The following NCKAP5 variants were observed in gnomAD, a reference collection of about 807,000 sequenced individuals.
The protein encoded by NCKAP5 is NCK associated protein 5, also known as nck-associated protein 5.
Under a neutral mutation model 167.0 loss-of-function variants are expected in NCKAP5, and 92 were observed. That is an observed-to-expected ratio of 0.55 (90% CI 0.47 to 0.66). The LOEUF is 0.66. NCKAP5 is among the 30% of genes least tolerant of loss of function. The pLI is 0.00. For missense variants in NCKAP5, 2,378 were observed against 2,315.0 expected (o/e 1.03, Z -0.56); for synonymous variants, 891 against 877.4 (o/e 1.02, Z -0.27).
the NCKAP5 span, among the ~76,000 whole-genome samples, chr2:133,601,976 T>C: frequency 6.6e-6 from 1 of 152,128 alleles, no homozygotes; most frequent in Non-Finnish European, 1.5e-5. Context: ...ACAACAGTAA[T>C]GGTGTCTAAA....
At chr2:132,865,335 T>C (rs1472775194) in intron 10 of NCKAP5, among the ~76,000 whole-genome samples, 2 of 152,148 alleles carry the variant, frequency 1.3e-5, no homozygotes, top group Non-Finnish European at 1.5e-5. Context: ...ATGAGGGCAA[T>C]GGCTAAACAG....
At chr2:133,654,376 TCAAA>T in the NCKAP5 span, among the ~76,000 whole-genome samples, 204 of 98,142 alleles carry the variant, frequency 2.1e-3, no homozygotes, top group East Asian at 4.8e-3. Flanking sequence ...AGACTCTATC[TCAAA>T]TAAATAAATA....
intron 9 of NCKAP5, among the ~76,000 whole-genome samples, chr2:132,872,475 T>G (rs912483280): frequency 2.0e-5 from 3 of 152,208 alleles, no homozygotes; most frequent in Non-Finnish European, 4.4e-5. Context: ...GAGTTCTCTA[T>G]TATTTTATTG....
chr2:132,803,903 A>C, intron 11 of NCKAP5, among the ~76,000 whole-genome samples: 1 of 152,198 alleles, frequency 6.6e-6, no homozygotes, highest in East Asian at 1.9e-4. Flanking sequence ...TTAAGGCAGA[A>C]CATGCAAACA....
the NCKAP5 span, among the ~76,000 whole-genome samples, chr2:133,621,918 T>C: frequency 1.3e-5 from 2 of 151,944 alleles, no homozygotes; most frequent in Non-Finnish European, 2.9e-5. Context: ...CAACAGCATA[T>C]CAAAAAGATA....
chr2:133,280,370 G>C (rs2089891555), intron 4 of NCKAP5, among the ~76,000 whole-genome samples: 1 of 152,144 alleles, frequency 6.6e-6, no homozygotes, highest in Non-Finnish European at 1.5e-5. Flanking sequence ...CTAGCATAGG[G>C]ATAGTTTCTT....
intron 5 of NCKAP5, among the ~76,000 whole-genome samples, chr2:133,166,051 C>T (rs1441719889): frequency 6.6e-6 from 1 of 152,076 alleles, no homozygotes; most frequent in African/African-American, 2.4e-5. Flanking sequence ...AACTAAAGAA[C>T]ATCCTCTGGC....
At chr2:132,853,714 C>T (rs1689251270) in intron 11 of NCKAP5, among the ~76,000 whole-genome samples, 1 of 152,156 alleles carries the variant, frequency 6.6e-6, no homozygotes, top group Non-Finnish European at 1.5e-5. Context: ...TCATATAATA[C>T]AATCTCTACA....
At chr2:133,146,480 T>C (rs2083201745) in intron 5 of NCKAP5, among the ~76,000 whole-genome samples, 1 of 152,130 alleles carries the variant, frequency 6.6e-6, no homozygotes, top group South Asian at 2.1e-4. Context: ...GCAAGGAATC[T>C]TTTAATCTGG....
chr2:132,707,000 G>A (rs1015379351), intron 19 of NCKAP5, among the ~76,000 whole-genome samples: 21 of 152,250 alleles, frequency 1.4e-4, no homozygotes, highest in African/African-American at 4.3e-4. Context: ...TGTCCTCCCC[G>A]CAGGAACACC....
chr2:133,468,824 G>T (rs540704925), intron 3 of NCKAP5, among the ~76,000 whole-genome samples: 1 of 152,070 alleles, frequency 6.6e-6, no homozygotes, highest in Non-Finnish European at 1.5e-5. Context: ...CAGAGAGTAG[G>T]TTTGCAACCC....
intron 3 of NCKAP5, among the ~76,000 whole-genome samples, chr2:133,487,763 T>C (rs1379661029): frequency 1.3e-5 from 2 of 152,124 alleles, no homozygotes; most frequent in African/African-American, 4.8e-5. Context: ...GGTGAGAAAG[T>C]GGTCTTACCC....
At chr2:132,953,966 A>G (rs866618478) in intron 8 of NCKAP5, among the ~76,000 whole-genome samples, 2 of 152,198 alleles carry the variant, frequency 1.3e-5, no homozygotes, top group Non-Finnish European at 2.9e-5. Flanking sequence ...ATTTGGTGCC[A>G]TCACATAGAA....
intron 4 of NCKAP5, among the ~76,000 whole-genome samples, chr2:133,240,461 C>A (rs184027533): frequency 1.3e-5 from 2 of 152,208 alleles, no homozygotes; most frequent in Admixed American, 6.5e-5. Flanking sequence ...ATCTCTGATG[C>A]CCCCCAAAGT....
chr2:133,657,588 T>G, the NCKAP5 span, among the ~76,000 whole-genome samples: 6 of 152,224 alleles, frequency 3.9e-5, no homozygotes, highest in East Asian at 1.2e-3. Context: ...AGCCAACAGT[T>G]TGAAGAACAA....
At chr2:132,867,772 A>C (rs914421715) in intron 10 of NCKAP5, among the ~76,000 whole-genome samples, 4 of 152,014 alleles carry the variant, frequency 2.6e-5, no homozygotes, top group African/African-American at 4.8e-5. Context: ...TGTTCGGCCT[A>C]CCTGTCGGTT....
intron 6 of NCKAP5, among the ~76,000 whole-genome samples, chr2:133,053,234 C>T (rs1267075295): frequency 2.6e-5 from 4 of 152,138 alleles, no homozygotes; most frequent in Admixed American, 1.3e-4. Context: ...ACCATTCCTC[C>T]AATAGCTTTA....
chr2:133,222,583 A>G (rs1306171259), intron 4 of NCKAP5, among the ~76,000 whole-genome samples: 1 of 129,522 alleles, frequency 7.7e-6, no homozygotes, highest in Non-Finnish European at 1.8e-5. Context: ...AAATATTCTT[A>G]AAAAATAACA....
At chr2:133,669,438 G>A in the NCKAP5 span, among the ~76,000 whole-genome samples, 1 of 152,026 alleles carries the variant, frequency 6.6e-6, no homozygotes, top group Non-Finnish European at 1.5e-5. Context: ...ACTAGAAATG[G>A]GGTTTAAGTG....
Sources: allele counts gnomAD v4.1 joint callset (sites outside exome capture counted in the v4.1 genomes callset), GRCh38; gene constraint gnomAD v4.1.1; transcripts MANE v1.5; gene names NCBI Gene and HGNC (gene_info 2026-07-23, HGNC 2026-07-21).